The following PRKD1 variants were observed in gnomAD, a reference collection of about 807,000 sequenced individuals.
PRKD1 encodes the protein protein kinase D1.
In PRKD1, 63 loss-of-function variants were observed where a neutral mutation model predicts 95.9. That is an observed-to-expected ratio of 0.66 (90% CI 0.54 to 0.81). The LOEUF is 0.81. Among genes scored for constraint, PRKD1 ranks in the 30% least tolerant of loss-of-function variants. The pLI, the probability that PRKD1 is intolerant of heterozygous loss-of-function variation, is 0.00. For missense variants in PRKD1, 1,048 were observed against 1,165.3 expected (o/e 0.90, Z 1.47); for synonymous variants, 425 against 423.1 (o/e 1.00, Z -0.05).
At chr14:29,791,464 C>T (rs888544571) in intron 1 of PRKD1, among the ~76,000 whole-genome samples, 5 of 152,150 alleles carry the variant, frequency 3.3e-5, no homozygotes, top group Non-Finnish European at 5.9e-5. Flanking sequence ...CATATTCCTC[C>T]GTACTCTCTC....
chr14:29,753,236 T>C (rs1341312858), intron 1 of PRKD1, among the ~76,000 whole-genome samples: 1 of 152,132 alleles, frequency 6.6e-6, no homozygotes, highest in Non-Finnish European at 1.5e-5. Context: ...AATTTCTGCT[T>C]GTAAAAATGA....
chr14:29,636,517 G>A (rs748884665), intron 6 of PRKD1, 23 bp from the exon 7 acceptor site: 4 of 1,612,792 alleles, frequency 2.5e-6, no homozygotes, highest in Non-Finnish European at 3.4e-6. Flanking sequence ...TTTCACCCAT[G>A]AAGATAAGCC....
chr14:29,720,949 G>T (rs910370531), intron 2 of PRKD1, among the ~76,000 whole-genome samples: 2 of 152,126 alleles, frequency 1.3e-5, no homozygotes, highest in African/African-American at 4.8e-5. Flanking sequence ...AATGTTTGAG[G>T]GCAAGACTTG....
At chr14:29,646,416 T>A (rs1457367678) in intron 4 of PRKD1, among the ~76,000 whole-genome samples, 1 of 152,064 alleles carries the variant, frequency 6.6e-6, no homozygotes, top group African/African-American at 2.4e-5. Context: ...AAAGGATAAA[T>A]CCTTAAAGTG....
At chr14:29,657,910 C>A (rs150245703) in intron 4 of PRKD1, 1 of 152,172 alleles carries the variant, frequency 6.6e-6, no homozygotes, top group African/African-American at 2.4e-5. Flanking sequence ...AAAGAAAAAA[C>A]CTGCCACATT....
intron 1 of PRKD1, among the ~76,000 whole-genome samples, chr14:29,750,610 A>ACGCG (rs144576016): frequency 9.3e-5 from 14 of 150,126 alleles, no homozygotes; most frequent in South Asian, 2.1e-4. Context: ...GGATGCATGA[A>ACGCG]CGCGCGCACA....
At chr14:29,584,035 C>T (rs532822729) in intron 16 of PRKD1, among the ~76,000 whole-genome samples, 2 of 152,130 alleles carry the variant, frequency 1.3e-5, no homozygotes, top group South Asian at 2.1e-4. Context: ...TTAGGATAGC[C>T]GAAGTTCTGT....
intron 1 of PRKD1, among the ~76,000 whole-genome samples, chr14:29,874,498 T>C (rs752673638): frequency 2.2e-4 from 33 of 152,104 alleles, no homozygotes; most frequent in Non-Finnish European, 4.3e-4. Context: ...AAGAAATTAG[T>C]ATATCAAAGA....
intron 1 of PRKD1, among the ~76,000 whole-genome samples, chr14:29,753,578 C>G (rs7155235): frequency 0.21 from 32,047 of 152,026 alleles, 3,554 homozygotes; most frequent in South Asian, 0.27. Context: ...ACTCTATTGC[C>G]TTTATTTTTC....
intron 2 of PRKD1, among the ~76,000 whole-genome samples, chr14:29,698,303 T>A (rs1490964617): frequency 6.6e-6 from 1 of 152,178 alleles, no homozygotes; most frequent in East Asian, 1.9e-4. Context: ...CATTTTTTAA[T>A]GAAGAGAGCA....
At chr14:29,721,689 T>A (rs542824487) in intron 2 of PRKD1, among the ~76,000 whole-genome samples, 23 of 152,036 alleles carry the variant, frequency 1.5e-4, no homozygotes, top group South Asian at 1.2e-3. Flanking sequence ...AAAAAAAAAA[T>A]TTCCATGTTC....
At chr14:29,870,963 G>C (rs1893084486) in intron 1 of PRKD1, among the ~76,000 whole-genome samples, 1 of 152,156 alleles carries the variant, frequency 6.6e-6, no homozygotes, top group South Asian at 2.1e-4. Flanking sequence ...AAAATGCTTT[G>C]TCAATATTCT....
chr14:29,693,639 A>AAC (rs1884358278), intron 2 of PRKD1, among the ~76,000 whole-genome samples: 2 of 119,170 alleles, frequency 1.7e-5, no homozygotes, highest in African/African-American at 4.4e-5. Context: ...AAAAAAAAAA[A>AAC]AACAACAACA....
At chr14:29,799,193 A>G (rs1889929585) in intron 1 of PRKD1, among the ~76,000 whole-genome samples, 1 of 152,282 alleles carries the variant, frequency 6.6e-6, no homozygotes, top group South Asian at 2.1e-4. Flanking sequence ...GCAAATTTCA[A>G]TATGACAAAA....
chr14:29,774,542 AT>A (rs1452215746), intron 1 of PRKD1, among the ~76,000 whole-genome samples: 1 of 152,198 alleles, frequency 6.6e-6, no homozygotes, highest in Admixed American at 6.5e-5. Flanking sequence ...GTTAGGTACC[AT>A]TGCAGGTGGA....
chr14:29,821,329 G>A (rs747823438), intron 1 of PRKD1, among the ~76,000 whole-genome samples: 5 of 152,084 alleles, frequency 3.3e-5, no homozygotes, highest in Admixed American at 6.5e-5. Context: ...CCAGAATTCC[G>A]TGGTAACTCA....
rs762438799 is a variant in PRKD1, at chr14:29,717,472, C to T, written c.403+8064G>A. Among the ~76,000 whole-genome samples, 4 of 152,028 alleles carry T rather than the reference C, an allele frequency of 2.6e-5. 1 individual carries two copies. The highest frequency in any genetic ancestry group is 4.1e-4 in the South Asian group (2 of 4,826). ...ACATTATATAAGAAATAAATGACAA[C>T]TCTGGGACTGAAACCAAAGTATTGA... On this transcript the variant is annotated intron_variant, in intron 2 of 17. Transcript: ENST00000331968.
chr14:29,862,677 C>T (rs746811217), intron 1 of PRKD1, among the ~76,000 whole-genome samples: 1 of 152,140 alleles, frequency 6.6e-6, no homozygotes, highest in Non-Finnish European at 1.5e-5. Context: ...CAAGAAATAC[C>T]TATTCCAATC....
At chr14:29,738,624 G>A (rs146201721) in intron 1 of PRKD1, among the ~76,000 whole-genome samples, 30 of 151,764 alleles carry the variant, frequency 2.0e-4, no homozygotes, top group Middle Eastern at 3.4e-3. Context: ...TCTGAGCCAC[G>A]GGCATGCTGT....
Sources: gnomAD v4.1 joint callset for allele counts (sites outside exome capture counted in the v4.1 genomes callset) on GRCh38, gnomAD v4.1.1 for gene constraint, MANE v1.5 for transcripts, NCBI Gene and HGNC (gene_info 2026-07-23, HGNC 2026-07-21) for gene names.